The following SRGAP1 variants were observed in gnomAD, a reference collection of about 807,000 sequenced individuals.
SRGAP1 encodes the protein SLIT-ROBO Rho GTPase-activating protein 1.
SRGAP1 carries 43 observed loss-of-function variants against 121.9 expected under a neutral mutation model. The ratio of observed to expected loss-of-function variants is 0.35; its 90% CI spans 0.28 to 0.46. The LOEUF is 0.46. SRGAP1 is among the 20% of genes least tolerant of loss of function. The probability of loss-of-function intolerance (pLI) is 1.00; values close to 1 mark genes in which losing one functional copy is unlikely to be tolerated. For missense variants in SRGAP1, 1,102 were observed against 1,350.9 expected, an observed-to-expected ratio of 0.82 and a Z score of 2.89; for synonymous variants, 447 against 485.4, an observed-to-expected ratio of 0.92 and a Z score of 1.04.
At chr12:64,110,289 A>T (rs944685244) in intron 16 of SRGAP1, among the ~76,000 whole-genome samples, 1 of 152,206 alleles carries the variant, frequency 6.6e-6, no homozygotes, top group Non-Finnish European at 1.5e-5. Flanking sequence ...CTGTGAACTA[A>T]TAATCCATAA....
intron 21 of SRGAP1, among the ~76,000 whole-genome samples, chr12:64,142,004 T>C (rs2036972847): frequency 6.6e-6 from 1 of 152,150 alleles, no homozygotes; most frequent in South Asian, 2.1e-4. Flanking sequence ...AAAAAAATTT[T>C]TTTTTAAGTC....
chr12:63,868,933 A>G (rs1274683447), intron 1 of SRGAP1, among the ~76,000 whole-genome samples: 1 of 152,196 alleles, frequency 6.6e-6, no homozygotes, highest in Non-Finnish European at 1.5e-5. Flanking sequence ...CTATAGATGT[A>G]GATTGCTCTA....
chr12:63,891,272 C>T (rs1289127605), intron 1 of SRGAP1, among the ~76,000 whole-genome samples: 1 of 152,216 alleles, frequency 6.6e-6, no homozygotes, highest in Non-Finnish European at 1.5e-5. Flanking sequence ...GAGCAGTGCT[C>T]TGTTACTGTC....
chr12:63,952,920 A>G (rs2032343610), intron 1 of SRGAP1, among the ~76,000 whole-genome samples: 1 of 152,176 alleles, frequency 6.6e-6, no homozygotes, highest in Non-Finnish European at 1.5e-5. Context: ...TACTGGGATT[A>G]TAGGCATGAG....
chr12:63,949,109 T>TGTATTTTCC (rs1296339121), intron 1 of SRGAP1, among the ~76,000 whole-genome samples: 1 of 97,334 alleles, frequency 1.0e-5, no homozygotes, highest in African/African-American at 3.5e-5. Flanking sequence ...TTTCCATATA[T>TGTATTTTCC]ATACATTCAT....
At chr12:63,936,269 C>G (rs1043079517) in intron 1 of SRGAP1, among the ~76,000 whole-genome samples, 1 of 152,000 alleles carries the variant, frequency 6.6e-6, no homozygotes, top group Non-Finnish European at 1.5e-5. Flanking sequence ...TAGATAATAC[C>G]ATAATAATGA....
At chr12:63,904,926 CCTGT>C (rs1417556160) in intron 1 of SRGAP1, among the ~76,000 whole-genome samples, 3 of 151,944 alleles carry the variant, frequency 2.0e-5, no homozygotes, top group African/African-American at 4.8e-5. Context: ...AGAGCAGGAC[CCTGT>C]CTAACAAAAC....
At chr12:63,874,611 C>T (rs780782745) in intron 1 of SRGAP1, among the ~76,000 whole-genome samples, 12 of 152,032 alleles carry the variant, frequency 7.9e-5, no homozygotes, top group Non-Finnish European at 1.5e-4. Context: ...GAATATATTA[C>T]AATTATTATT....
intron 18 of SRGAP1, 180 bp downstream of exon 18, chr12:64,116,073 A>G: frequency 3.6e-6 from 2 of 552,064 alleles, no homozygotes; most frequent in Non-Finnish European, 6.5e-6. Flanking sequence ...TGTGCAACAT[A>G]GTGAGATCCC....
At position 64,142,877 on chromosome 12, in the gene SRGAP1, T is replaced by C; in HGVS notation, c.*205T>C. The C allele has an allele frequency of 1.5e-6, 1 of 659,398 alleles. No individual in the cohort carries two copies. The highest frequency in any genetic ancestry group is 3.0e-5 in the Admixed American group (1 of 32,788). The allele number at this position is 659,398 out of a possible 1,614,324, so 40.8% of individuals were successfully genotyped here. A position where few individuals can be genotyped will look rare whatever the true frequency, so the allele number is the denominator to read the frequency against. ...TGTAATTTTTTTAAATAACTGGACA[T>C]ATGTCATTTTAAGGACAATAGAAAC... On this transcript the variant is annotated 3_prime_UTR_variant, in exon 22 of 22. Coordinates refer to ENST00000355086, the MANE Select transcript of SRGAP1 (RefSeq NM_020762.4).
chr12:63,976,473 G>A (rs1342117907), intron 1 of SRGAP1, among the ~76,000 whole-genome samples: 3 of 152,156 alleles, frequency 2.0e-5, no homozygotes, highest in African/African-American at 7.2e-5. Context: ...TTGAGGCTGT[G>A]AAAGTCGCCC....
chr12:64,097,888 G>C (rs148217901), intron 15 of SRGAP1, among the ~76,000 whole-genome samples: 2 of 152,178 alleles, frequency 1.3e-5, no homozygotes, highest in African/African-American at 4.8e-5. Context: ...CTCTGGGATT[G>C]TGTATGACAT....
chr12:63,950,731 A>T (rs1173250770), intron 1 of SRGAP1, among the ~76,000 whole-genome samples: 1 of 152,160 alleles, frequency 6.6e-6, no homozygotes, highest in Non-Finnish European at 1.5e-5. Flanking sequence ...TGCATTCCGT[A>T]GAATTGTTGA....
chr12:64,026,176 A>C (rs12317174), intron 4 of SRGAP1, among the ~76,000 whole-genome samples: 2,779 of 152,266 alleles, frequency 0.018, 84 homozygotes, highest in African/African-American at 0.062. Flanking sequence ...TGAAAAAAAA[A>C]TTCTAAAGAA....
chr12:64,014,090 A>G (rs957079765), intron 3 of SRGAP1, among the ~76,000 whole-genome samples: 3 of 152,256 alleles, frequency 2.0e-5, no homozygotes, highest in Non-Finnish European at 4.4e-5. Flanking sequence ...AATACTATGC[A>G]TGAATCATCT....
At position 64,142,750 on chromosome 12, in the gene SRGAP1, A is replaced by G. The variant is rs1219508391; in HGVS notation, c.*78A>G. 3.3e-6 allele frequency: 5 copies of G among 1,522,898 alleles called. No homozygotes were observed. In the African/African-American group the frequency reaches 7.0e-5, roughly 21 times the overall value. 94.3% of individuals were successfully genotyped at this position (1,522,898 alleles called of 1,614,324 possible). The stretch of plus-strand genomic sequence containing the variant: ...TAGTGACAAAAGTCACTGATCCATA[A>G]CTTTCCTTAGTTTTGTGCTTATAAC... On this transcript the variant is annotated 3_prime_UTR_variant, in exon 22 of 22. Transcript: ENST00000355086.
At chr12:63,951,698 T>G (rs1565966171) in intron 1 of SRGAP1, among the ~76,000 whole-genome samples, 1 of 152,162 alleles carries the variant, frequency 6.6e-6, no homozygotes, top group Non-Finnish European at 1.5e-5. Flanking sequence ...TTTGAATTTT[T>G]ATTTGTTTTT....
Position 64,062,954 on chromosome 12 carries a change from C to T in SRGAP1, c.839C>T (p.Ala280Val), listed in dbSNP as rs947565208. 9 of 1,613,908 alleles carry T rather than the reference C, an allele frequency of 5.6e-6. No individual in the cohort carries two copies. Among genetic ancestry groups the T allele is most frequent in the Non-Finnish European group, 7.6e-6 (9 of 1,179,950 alleles). Residue 280 changes from alanine (A) to valine (V), a missense_variant, in exon 7 of 22, where the codon GCC becomes GTC. Transcript: ENST00000355086. ...GGCTACCATGCAAGTCTGAACAGAG[C>T]CCTAAGAACATATCTGTCTGCGGAG... Reference protein sequence around the residue: ...DLGYHASLNRALRTYLSAEYN... With the variant: ...DLGYHASLNRVLRTYLSAEYN...
At chr12:63,869,390 G>A (rs952684354) in intron 1 of SRGAP1, among the ~76,000 whole-genome samples, 1 of 152,126 alleles carries the variant, frequency 6.6e-6, no homozygotes, top group African/African-American at 2.4e-5. Context: ...CCCACCTCCC[G>A]ACACTACTGC....
Sources: gnomAD v4.1 joint callset for allele counts (sites outside exome capture counted in the v4.1 genomes callset) on GRCh38, gnomAD v4.1.1 for gene constraint, MANE v1.5 for transcripts, NCBI Gene and HGNC (gene_info 2026-07-23, HGNC 2026-07-21) for gene names.